SHROOM3: variants seen among roughly 807,000 people sequenced by gnomAD.
SHROOM3 encodes shroom family member 3.
Under a neutral mutation model 138.6 loss-of-function variants are expected in SHROOM3, and 47 were observed. That is an observed-to-expected ratio of 0.34 (90% confidence interval 0.27 to 0.43). SHROOM3 has a LOEUF of 0.43. Ranked by LOEUF, SHROOM3 falls within the 20% of genes least tolerant of loss-of-function variation. The pLI is 1.00. For synonymous variants in SHROOM3, 1,062 were observed against 1,063.3 expected (o/e 1.00, Z 0.02); for missense variants, 2,491 against 2,596.5 (o/e 0.96, Z 0.88).
chr4:76,710,272 T>A lies in SHROOM3; in HGVS notation c.440T>A (p.Leu147His), dbSNP rs3821979. 245,896 of 1,613,726 alleles carry A rather than the reference T, an allele frequency of 0.15. 20,924 individuals carry two copies. The highest frequency in any genetic ancestry group is 0.29 in the South Asian group (26,245 of 91,058). Residue 147 changes from leucine to histidine, a missense_variant, in exon 3 of 11, where the codon CTT becomes CAT. Physicochemically the swap from Leu to His is moderately conservative, Grantham distance 99 (BLOSUM62 -3). Coordinates refer to ENST00000296043, the MANE Select transcript of SHROOM3 (RefSeq NM_020859.4). ...GCAGCGTGGTCAGGAGGGGTTAAAC[T>A]TCGGCTGAAGCACAGGTAAGACGCA... is the stretch of plus-strand genomic sequence containing the variant. ...RKAAWSGGVK[L>H]RLKHRRSEPA...
chr4:76,556,249 G>C (rs1454580733), intron 2 of SHROOM3, among the ~76,000 whole-genome samples: 2 of 152,230 alleles, frequency 1.3e-5, no homozygotes, highest in Non-Finnish European at 2.9e-5. Context: ...TGTTGGGAAA[G>C]TGTTGGGTTG....
In SHROOM3 at chr4:76,780,046, G is replaced by C. The variant is rs1722691892; in HGVS notation, c.*869G>C. The C allele has an allele frequency of 6.6e-6, 1 of 152,186 alleles. No homozygotes were observed. The highest frequency in any genetic ancestry group is 1.5e-5 in the Non-Finnish European group (1 of 68,032). 9.4% of individuals were successfully genotyped at this position (152,186 alleles called of 1,614,324 possible). ...AACTCTCAGACCTATATAATAGGAG[G>C]AGGACGTCCAGAATCCAACAAAATT... is the stretch of plus-strand genomic sequence containing the variant. On this transcript the variant is annotated 3_prime_UTR_variant, in exon 11 of 11. Transcript: ENST00000296043.
chr4:76,512,484 C>T (rs1330734589), intron 1 of SHROOM3, among the ~76,000 whole-genome samples: 1 of 152,174 alleles, frequency 6.6e-6, no homozygotes, highest in African/African-American at 2.4e-5. Context: ...GGGCCATTTT[C>T]TCACCACAAT....
chr4:76,730,853 G>C lies in SHROOM3; in HGVS notation c.505G>C (p.Gly169Arg). The change falls in exon 4 of 11, where the codon GGG becomes CGG. Residue 169 changes from glycine (G) to arginine (R), a missense_variant. Physicochemically the swap from Gly to Arg is moderately radical, Grantham distance 125. This residue lies in a region of SHROOM3 where 284 missense variants were observed against 322.8 expected (regional missense o/e 0.88). Transcript: ENST00000296043. ...TCACTCGTGGCACACAACTAAATCT[G>C]GGGAGAAGCAACCCGATGCCAGCAT... is the stretch of plus-strand genomic sequence containing the variant. ...RPHSWHTTKS[G>R]EKQPDASMMQ... is the part of the protein sequence containing the mutation. The C allele has an allele frequency of 1.2e-6, 2 of 1,614,062 alleles. No homozygotes were observed. The highest frequency in any genetic ancestry group is 1.7e-6 in the Non-Finnish European group (2 of 1,180,014).
At position 76,740,382 on chromosome 4, in the gene SHROOM3, A is replaced by G; in HGVS notation, c.2209A>G (p.Ser737Gly). 1 of 1,613,016 alleles carries G rather than the reference A, an allele frequency of 6.2e-7. No individual in the cohort carries two copies. The highest frequency in any genetic ancestry group is 1.3e-5 in the African/African-American group (1 of 75,042). ...GACCGGTGCCTCGGCTTCTTTCAAC[A>G]GCACAGACCCAAGTCCCGAAGAGCC... ...GRTGASASFN[S>G]TDPSPEEPPA... is the part of the protein sequence containing the mutation. The change falls in exon 5 of 11, where the codon AGC becomes GGC. Residue 737 changes from serine to glycine, a missense_variant. By Grantham distance (56) the Ser-to-Gly change is moderately conservative. Coordinates refer to ENST00000296043, the MANE Select transcript of SHROOM3 (RefSeq NM_020859.4). The surrounding 1 kb of genome is among the most constrained non-coding windows in gnomAD (Gnocchi z 4.0).
chr4:76,712,514 A>G (rs990742973), intron 3 of SHROOM3, among the ~76,000 whole-genome samples: 2 of 152,246 alleles, frequency 1.3e-5, no homozygotes, highest in Non-Finnish European at 2.9e-5. Context: ...TCTACTTACT[A>G]TCTTAAACAT....
chr4:76,500,932 T>C (rs765013309), intron 1 of SHROOM3, among the ~76,000 whole-genome samples: 1 of 152,048 alleles, frequency 6.6e-6, no homozygotes, highest in African/African-American at 2.4e-5. Flanking sequence ...TCAGCCTCCA[T>C]AGTAGTTGGG....
chr4:76,739,896 C>G lies in SHROOM3; in HGVS notation c.1723C>G (p.Leu575Val), dbSNP rs547231688. 19 of 1,614,216 alleles carry G rather than the reference C, an allele frequency of 1.2e-5. No homozygotes were observed. In the South Asian group the frequency reaches 2.0e-4, roughly 17 times the overall value. The change falls in exon 5 of 11, where the codon CTC (leucine) becomes GTC (valine). Residue 575 changes from leucine (L) to valine (V), a missense_variant. Leu to Val is a conservative substitution (Grantham distance 32). Around this residue, in one of 4 missense-constraint regions of SHROOM3, gnomAD observed 1,733 missense variants for 1,661.6 expected, o/e 1.04. Transcript: ENST00000296043. ...NEEDASLKRH[L>V]TPPQGNSPHS... The stretch of plus-strand genomic sequence containing the variant: ...GGAGGATGCCTCCCTGAAGAGACAT[C>G]TCACACCTCCCCAAGGCAACAGCCC...
At chr4:76,755,349 A>G (rs1194909488) in intron 7 of SHROOM3, among the ~76,000 whole-genome samples, 157 bp downstream of exon 7, 1 of 152,184 alleles carries the variant, frequency 6.6e-6, no homozygotes, top group East Asian at 1.9e-4. Context: ...CTCAGGAGGT[A>G]GTTGGACCAG....
intron 2 of SHROOM3, among the ~76,000 whole-genome samples, chr4:76,560,295 G>A (rs1289449536): frequency 5.3e-5 from 8 of 152,184 alleles, no homozygotes; most frequent in Non-Finnish European, 2.9e-5. Context: ...TTAGTATAAG[G>A]AATGCTCACT....
At chr4:76,443,927 G>A (rs1730750221) in intron 1 of SHROOM3, among the ~76,000 whole-genome samples, 1 of 151,982 alleles carries the variant, frequency 6.6e-6, no homozygotes, top group Non-Finnish European at 1.5e-5. Flanking sequence ...GGAGATTTAT[G>A]AGATTATTTA....
rs1430488623 is a variant in SHROOM3, at chr4:76,741,195, C to T, written c.3022C>T (p.Arg1008Cys). 1 of 1,598,880 alleles carries T rather than the reference C, an allele frequency of 6.3e-7. No individual in the cohort carries two copies. Among genetic ancestry groups the T allele is most frequent in the East Asian group, 2.3e-5 (1 of 43,988 alleles). Reference protein sequence around the residue: ...PVPPAARRGARRRLTPEQKKR... With the variant: ...PVPPAARRGACRRLTPEQKKR... ...GCCCCCTGCCGCCCGGAGAGGTGCT[C>T]GCCGGCGCCTGACTCCCGAGCAGAA... The change falls in exon 5 of 11, where the codon CGC (arginine) becomes TGC (cysteine). Residue 1008 changes from arginine to cysteine, a missense_variant. This residue lies in a region of SHROOM3 where 1,733 missense variants were observed against 1,661.6 expected (regional missense o/e 1.04). Coordinates refer to ENST00000296043, the MANE Select transcript of SHROOM3 (RefSeq NM_020859.4). The surrounding 1 kb of genome is among the most constrained non-coding windows in gnomAD (Gnocchi z 6.2).
At chr4:76,731,038 T>A in intron 4 of SHROOM3, 103 bp downstream of exon 4, 1 of 1,457,094 alleles carries the variant, frequency 6.9e-7, no homozygotes, top group Admixed American at 1.7e-5. Context: ...TTTCTTATAC[T>A]CACACTAAAT....
chr4:76,503,586 G>A (rs192998536), intron 1 of SHROOM3, among the ~76,000 whole-genome samples: 150 of 152,064 alleles, frequency 9.9e-4, no homozygotes, highest in Admixed American at 2.0e-3. Flanking sequence ...GGACCACCAC[G>A]CCCAGCTAAT....
chr4:76,616,845 C>T (rs1734893408), intron 2 of SHROOM3, among the ~76,000 whole-genome samples: 1 of 152,144 alleles, frequency 6.6e-6, no homozygotes. Flanking sequence ...TATTCTACCA[C>T]AATTTAAAAA....
intron 1 of SHROOM3, among the ~76,000 whole-genome samples, chr4:76,511,659 G>A (rs1453965516): frequency 6.6e-6 from 1 of 152,358 alleles, no homozygotes; most frequent in African/African-American, 2.4e-5. Flanking sequence ...AGGATTTGCA[G>A]TATGGGGGCT....
Position 76,635,113 on chromosome 4 carries a change from G to A in SHROOM3, c.324-75043G>A, listed in dbSNP as rs60830073. ...ATTAAGCTGATATTATCATCTTAAA[G>A]TTTCTGTCTTCAAAATTACCCTGGA... On this transcript the variant is annotated intron_variant, in intron 2 of 10. Coordinates refer to ENST00000296043, the MANE Select transcript of SHROOM3 (RefSeq NM_020859.4). Among the ~76,000 whole-genome samples, 412 of 152,230 alleles carry A rather than the reference G, an allele frequency of 2.7e-3. 2 individuals are homozygous for A. The highest frequency in any genetic ancestry group is 9.2e-3 in the African/African-American group (380 of 41,528).
chr4:76,618,811 C>G (rs1362929470), intron 2 of SHROOM3, among the ~76,000 whole-genome samples: 1 of 152,174 alleles, frequency 6.6e-6, no homozygotes, highest in Non-Finnish European at 1.5e-5. Context: ...TCCTTTATAG[C>G]TTATTTTTTC....
intron 2 of SHROOM3, among the ~76,000 whole-genome samples, chr4:76,709,152 A>G (rs1004173738): frequency 6.6e-6 from 1 of 152,212 alleles, no homozygotes; most frequent in Non-Finnish European, 1.5e-5. Flanking sequence ...AGAAGGCCAG[A>G]TGGACGGGGC....
Sources: gnomAD v4.1 joint callset for allele counts (sites outside exome capture counted in the v4.1 genomes callset) on GRCh38, gnomAD v4.1.1 for gene constraint, gnomAD v4.1.1 regional missense constraint, Gnocchi (gnomAD v3.1) non-coding constraint, MANE v1.5 for transcripts, NCBI Gene and HGNC (gene_info 2026-07-23, HGNC 2026-07-21) for gene names.